Variants in DHRS2 observed in about 807,000 individuals in gnomAD.
DHRS2 encodes dehydrogenase/reductase 2, also known as dehydrogenase/reductase SDR family member 2, mitochondrial.
DHRS2 carries 29 observed loss-of-function variants against 26.3 expected under a neutral mutation model. The ratio of observed to expected loss-of-function variants is 1.10; its 90% CI spans 0.82 to 1.50. The LOEUF (loss-of-function observed/expected upper bound fraction) is 1.50. Ranked by LOEUF, DHRS2 falls within the 40% of genes most tolerant of loss-of-function variation. The probability of loss-of-function intolerance (pLI) is 0.00; values close to 1 mark genes in which losing one functional copy is unlikely to be tolerated. For synonymous variants in DHRS2, 164 were observed against 151.3 expected (o/e 1.08, Z -0.62); for missense variants, 439 against 367.1 (o/e 1.20, Z -1.60).
At chr14:23,644,948 A>T in intron 8 of DHRS2, 66 bp downstream of exon 8, 8 of 1,582,816 alleles carry the variant, frequency 5.1e-6, no homozygotes, top group Non-Finnish European at 6.9e-6. Context: ...GTCTATTGCA[A>T]GAGCAGACCC....
At chr14:23,640,572 C>T (rs139129897) in intron 4 of DHRS2, 52 of 373,184 alleles carry the variant, frequency 1.4e-4, no homozygotes, top group Non-Finnish European at 1.8e-4. Context: ...TTTCTGTTCT[C>T]TCTGCCAGAA....
At chr14:23,638,735 C>A in intron 1 of DHRS2, 92 bp from the exon 2 acceptor site, 1 of 1,339,274 alleles carries the variant, frequency 7.5e-7, no homozygotes, top group Non-Finnish European at 1.0e-6. Flanking sequence ...CTTTCTGTTG[C>A]TGGCCTTGTC....
chr14:23,644,962 C>G (rs754917484), intron 8 of DHRS2, 80 bp downstream of exon 8: 1 of 1,569,024 alleles, frequency 6.4e-7, no homozygotes, highest in South Asian at 1.1e-5. Context: ...CAGACCCCTC[C>G]CTGTCATCTG....
At chr14:23,634,770 A>G (rs1397602180), upstream of DHRS2, among the ~76,000 whole-genome samples, 3 of 152,054 alleles carry the variant, frequency 2.0e-5, no homozygotes, top group Admixed American at 6.6e-5. Flanking sequence ...GTAATCCCCA[A>G]TGTTGGAGGA....
intron 1 of DHRS2, among the ~76,000 whole-genome samples, chr14:23,630,632 T>C (rs1050560373): frequency 1.3e-5 from 2 of 152,252 alleles, no homozygotes; most frequent in Non-Finnish European, 2.9e-5. Context: ...GTGAGGACCA[T>C]GACCCATGAC....
In DHRS2 at chr14:23,644,008, G is replaced by A. The variant is rs1377720683; in HGVS notation, c.489-103G>A. ...TGAGATGGGGACAGTAATAGGACCT[G>A]TGTTGCTTCTGTGAGGGTTGCATCA... On this transcript the variant is annotated intron_variant, in intron 5 of 8. Coordinates refer to ENST00000250383, the MANE Select transcript of DHRS2 (RefSeq NM_005794.4). 2.5e-6 allele frequency: 3 copies of A among 1,187,266 alleles called. No homozygotes were observed. The South Asian group carries it at 3.7e-5, about 14-fold the overall frequency. 73.5% of individuals were successfully genotyped at this position (1,187,266 alleles called of 1,614,324 possible).
At chr14:23,636,362 G>C (rs190291142), upstream of DHRS2, 3 of 152,144 alleles carry the variant, frequency 2.0e-5, no homozygotes, top group African/African-American at 7.2e-5. Context: ...TGAGCCGGCA[G>C]CAGCAACCTG....
chr14:23,641,778 A>G, intron 4 of DHRS2: 1 of 1,287,916 alleles, frequency 7.8e-7, no homozygotes, highest in Non-Finnish European at 1.0e-6. Context: ...CATTCAGCTT[A>G]AGTATTTCTC....
chr14:23,634,957 G>A (rs994629639), upstream of DHRS2, among the ~76,000 whole-genome samples: 12 of 152,054 alleles, frequency 7.9e-5, no homozygotes, highest in African/African-American at 2.9e-4. Flanking sequence ...TTCACCTTCT[G>A]CCTTAATTGT....
chr14:23,639,459 A>G (rs1438467015), intron 3 of DHRS2, 103 bp downstream of exon 3: 3 of 1,408,404 alleles, frequency 2.1e-6, no homozygotes, highest in Non-Finnish European at 2.8e-6. Flanking sequence ...TCCTGAGACC[A>G]TGACTGCACC....
At chr14:23,637,231 C>G (rs1395004750) in intron 1 of DHRS2, among the ~76,000 whole-genome samples, 1 of 152,214 alleles carries the variant, frequency 6.6e-6, no homozygotes, top group Non-Finnish European at 1.5e-5. Context: ...AAAAACCACT[C>G]CCTGTCTCTG....
intron 3 of DHRS2, 84 bp from the exon 4 acceptor site, chr14:23,639,710 C>A: frequency 7.1e-7 from 1 of 1,412,566 alleles, no homozygotes; most frequent in South Asian, 1.5e-5. Flanking sequence ...CAAGCTTTGC[C>A]TGAAGGCCTT....
chr14:23,641,994 A>C, intron 4 of DHRS2: 3 of 1,123,626 alleles, frequency 2.7e-6, no homozygotes, highest in Non-Finnish European at 3.3e-6. Flanking sequence ...CCGCCTCTGC[A>C]TCTTTCCTTG....
rs1018910405 is a variant in DHRS2, at chr14:23,645,378, T to A, written c.*125T>A. The A allele has an allele frequency of 1.4e-5, 22 of 1,579,900 alleles. No individual in the cohort carries two copies. Among genetic ancestry groups the A allele is most frequent in the Admixed American group, 3.4e-5 (2 of 59,060 alleles). On this transcript the variant is annotated 3_prime_UTR_variant, in exon 9 of 9. Coordinates refer to ENST00000250383, the MANE Select transcript of DHRS2 (RefSeq NM_005794.4). The stretch of plus-strand genomic sequence containing the variant: ...CCAGACTAGCAATTTGGGGGCTTAC[T>A]CATGCTAGGCTTGAGGAAGAAGAAA...
intron 1 of DHRS2, chr14:23,638,552 T>G: frequency 3.4e-6 from 1 of 297,956 alleles, no homozygotes; most frequent in Non-Finnish European, 6.4e-6. Flanking sequence ...CAGTGCTCAA[T>G]GTTTGCTATG....
intron 4 of DHRS2, 153 bp downstream of exon 4, chr14:23,640,048 C>T: frequency 1.4e-6 from 1 of 740,544 alleles, no homozygotes; most frequent in Non-Finnish European, 1.9e-6. Context: ...AGCTGTCTCC[C>T]AAAATGTGCC....
chr14:23,638,249 A>C (rs187606878), intron 1 of DHRS2: 3 of 150,846 alleles, frequency 2.0e-5, no homozygotes, highest in African/African-American at 7.3e-5. Flanking sequence ...GGAATGAACA[A>C]CTCCGGACGG....
At chr14:23,639,132 G>C in intron 2 of DHRS2, 47 bp from the exon 3 acceptor site, 4 of 1,604,588 alleles carry the variant, frequency 2.5e-6, no homozygotes, top group Non-Finnish European at 3.4e-6. Flanking sequence ...AGGAAGGACA[G>C]TGGAGAGAGG....
In DHRS2 at chr14:23,638,893, AG is replaced by A; in HGVS notation, c.32del (p.Gly11AlafsTer11). On this transcript the variant is annotated frameshift_variant, in exon 2 of 9. Coordinates refer to ENST00000250383, the MANE Select transcript of DHRS2 (RefSeq NM_005794.4). LOFTEE classifies it high-confidence loss of function. ...CTGTCAGCAGTTGCCCGGGGCTACC[AG>A]GGCTGGTTTCATCCCTGTGCTAGGC... MLSAVARGY[Q>X]GWFHPCARLS... 6.2e-7 allele frequency: 1 copy of A among 1,614,136 alleles called. No individual in the cohort carries two copies. Among genetic ancestry groups the A allele is most frequent in the South Asian group, 1.1e-5 (1 of 91,082 alleles).
Sources: allele counts gnomAD v4.1 joint callset (sites outside exome capture counted in the v4.1 genomes callset), GRCh38; gene constraint gnomAD v4.1.1; transcripts MANE v1.5; gene names NCBI Gene and HGNC (gene_info 2026-07-23, HGNC 2026-07-21).